TMEM156: variants seen among roughly 807,000 people sequenced by gnomAD.
TMEM156 encodes the protein transmembrane protein 156.
TMEM156 carries 28 observed loss-of-function variants against 30.5 expected under a neutral mutation model. The observed-to-expected ratio is 0.92, with a 90% CI of 0.68 to 1.26. The LOEUF (loss-of-function observed/expected upper bound fraction) is 1.26. Among genes scored for constraint, TMEM156 ranks in the 50% most tolerant of loss-of-function variants. The pLI, the probability that TMEM156 is intolerant of heterozygous loss-of-function variation, is 0.00. For missense variants in TMEM156, 351 were observed against 340.6 expected, an observed-to-expected ratio of 1.03 and a Z score of -0.24; for synonymous variants, 137 against 119.9, an observed-to-expected ratio of 1.14 and a Z score of -0.93.
chr4:38,980,185 TA>T (rs780451036), intron 5 of TMEM156, among the ~76,000 whole-genome samples: 12,790 of 112,394 alleles, frequency 0.11, 530 homozygotes, highest in Middle Eastern at 0.13. Context: ...CCAGATTAAC[TA>T]AAAAAAAAAA....
rs1251967258 is a variant in TMEM156, at chr4:38,977,480, A to G, written c.824-6343T>C. 3.3e-5 allele frequency among the ~76,000 whole-genome samples: 5 copies of G among 152,226 alleles called. No individual in the cohort carries two copies. The East Asian group carries it at 5.8e-4, about 18-fold the overall frequency. On this transcript the variant is annotated intron_variant, in intron 5 of 6. Transcript: ENST00000381938. The stretch of plus-strand genomic sequence containing the variant: ...CATGTAACTTATATGGTAATAGCAA[A>G]TCTTCTAAAAATTGATTAAAAGGCA...
chr4:39,010,018 C>T (rs927950781), intron 1 of TMEM156, among the ~76,000 whole-genome samples: 2 of 152,014 alleles, frequency 1.3e-5, no homozygotes, highest in African/African-American at 4.8e-5. Context: ...TGAAAAGACT[C>T]CTAGATCTAA....
intron 5 of TMEM156, among the ~76,000 whole-genome samples, chr4:38,977,376 A>G (rs1344503392): frequency 6.6e-6 from 1 of 152,192 alleles, no homozygotes; most frequent in African/African-American, 2.4e-5. Flanking sequence ...ACAGAAAGCG[A>G]TTGCCTGTCA....
At chr4:38,989,551 C>T (rs895919476) in intron 3 of TMEM156, among the ~76,000 whole-genome samples, 7 of 152,196 alleles carry the variant, frequency 4.6e-5, no homozygotes, top group East Asian at 1.9e-4. Flanking sequence ...ACTAATTAAA[C>T]GTAGTTGCCC....
chr4:39,002,940 G>A (rs965030816), intron 1 of TMEM156, among the ~76,000 whole-genome samples: 8 of 152,014 alleles, frequency 5.3e-5, no homozygotes, highest in Admixed American at 1.3e-4. Flanking sequence ...GCTAGATGAC[G>A]AGTTAGTGGG....
chr4:38,982,584 G>A (rs1350127438), intron 5 of TMEM156, among the ~76,000 whole-genome samples: 1 of 152,020 alleles, frequency 6.6e-6, no homozygotes, highest in African/African-American at 2.4e-5. Flanking sequence ...TTCCCTTGAG[G>A]GTTTGCGAGA....
chr4:38,981,531 G>C (rs1008890037), intron 5 of TMEM156, among the ~76,000 whole-genome samples: 4 of 152,128 alleles, frequency 2.6e-5, no homozygotes, highest in African/African-American at 9.7e-5. Context: ...GAAGGCTTTT[G>C]ATCTGTGGCT....
In TMEM156 at chr4:38,998,975, TA is replaced by T. The variant is rs1445509552; in HGVS notation, c.89-67del. 5 of 1,416,198 alleles carry T rather than the reference TA, an allele frequency of 3.5e-6. No individual in the cohort carries two copies. In the African/African-American group the frequency reaches 7.2e-5, roughly 20 times the overall value. The allele number at this position is 1,416,198 out of a possible 1,614,324, so 87.7% of individuals were successfully genotyped here. ...TTTGAGTTTTTGGCATTCAAATAAA[TA>T]CACAGTATGCTCCCAGTTTTTCTTA... On this transcript the variant is annotated intron_variant, in intron 1 of 6. Coordinates refer to ENST00000381938, the MANE Select transcript of TMEM156 (RefSeq NM_024943.3).
chr4:39,005,936 G>GC (rs1260809247), intron 1 of TMEM156, among the ~76,000 whole-genome samples: 15 of 152,094 alleles, frequency 9.9e-5, no homozygotes, highest in Non-Finnish European at 1.9e-4. Context: ...TCACTCTGTT[G>GC]CCAGGCTGGA....
At chr4:38,974,639 A>G (rs1304553846) in intron 5 of TMEM156, among the ~76,000 whole-genome samples, 1 of 151,454 alleles carries the variant, frequency 6.6e-6, no homozygotes, top group Non-Finnish European at 1.5e-5. Flanking sequence ...AGAAAATTAT[A>G]TATTTTAACT....
chr4:38,980,909 T>C (rs2109891868), intron 5 of TMEM156: 3 of 984,246 alleles, frequency 3.0e-6, no homozygotes, highest in Non-Finnish European at 3.6e-6. Flanking sequence ...CTGACATATA[T>C]GCCTGTCACG....
chr4:38,991,206 C>CTTT (rs34417437), intron 3 of TMEM156, among the ~76,000 whole-genome samples: 3 of 142,832 alleles, frequency 2.1e-5, no homozygotes, highest in Admixed American at 7.2e-5. Context: ...TTTTAACTGT[C>CTTT]TTTTTCTTTT....
chr4:39,007,273 T>C (rs958878458), intron 1 of TMEM156, among the ~76,000 whole-genome samples: 3 of 152,176 alleles, frequency 2.0e-5, no homozygotes, highest in Non-Finnish European at 2.9e-5. Flanking sequence ...ATCTTAGCAA[T>C]CCTTCGCTCA....
At chr4:38,971,196 C>T in intron 5 of TMEM156, 59 bp from the exon 6 acceptor site, 2 of 1,506,234 alleles carry the variant, frequency 1.3e-6, no homozygotes, top group Middle Eastern at 1.7e-4. Flanking sequence ...AAGAGACAGG[C>T]TTATTCTAAT....
intron 1 of TMEM156, among the ~76,000 whole-genome samples, chr4:39,031,897 AT>A (rs55675497): frequency 0.48 from 46,699 of 97,440 alleles, 11,487 homozygotes; most frequent in South Asian, 0.57. Context: ...AAAATAAAAA[AT>A]AAAAAAATAA....
At chr4:38,983,523 T>A (rs1711736674) in intron 5 of TMEM156, among the ~76,000 whole-genome samples, 1 of 152,174 alleles carries the variant, frequency 6.6e-6, no homozygotes, top group Non-Finnish European at 1.5e-5. Context: ...CTCATCCTCC[T>A]GAGTAGCAGG....
At chr4:39,020,652 C>T (rs1483968021) in intron 1 of TMEM156, among the ~76,000 whole-genome samples, 2 of 152,092 alleles carry the variant, frequency 1.3e-5, no homozygotes, top group Non-Finnish European at 2.9e-5. Context: ...CCCGTTCGAG[C>T]AATTCTCCTG....
In TMEM156 at chr4:38,994,001, A is replaced by G; in HGVS notation, c.359-3T>C. 1.2e-6 allele frequency: 2 copies of G among 1,605,766 alleles called. No individual in the cohort carries two copies. Among genetic ancestry groups the G allele is most frequent in the African/African-American group, 2.7e-5 (2 of 74,794 alleles). ...CATTGATCCTCTCCTGATAAGAACT[A>G]GAAAGTGATTAAGAAAATGTTATTT... On this transcript the variant is annotated splice_region_variant and splice_polypyrimidine_tract_variant and intron_variant, in intron 2 of 6. Coordinates refer to ENST00000381938, the MANE Select transcript of TMEM156 (RefSeq NM_024943.3).
At chr4:38,996,562 A>G (rs1345903732) in intron 2 of TMEM156, among the ~76,000 whole-genome samples, 1 of 151,968 alleles carries the variant, frequency 6.6e-6, no homozygotes, top group East Asian at 1.9e-4. Flanking sequence ...GCAGAGTGAA[A>G]CTCCATCTCA....
Sources: gnomAD v4.1 joint callset for allele counts (sites outside exome capture counted in the v4.1 genomes callset) on GRCh38, gnomAD v4.1.1 for gene constraint, MANE v1.5 for transcripts, NCBI Gene and HGNC (gene_info 2026-07-23, HGNC 2026-07-21) for gene names.